The following ACIN1 variants were observed in gnomAD, a reference collection of about 807,000 sequenced individuals.
ACIN1 encodes apoptotic chromatin condensation inducer 1.
Under a neutral mutation model 146.6 loss-of-function variants are expected in ACIN1, and 16 were observed. The ratio of observed to expected loss-of-function variants is 0.11; its 90% confidence interval spans 0.07 to 0.17. The LOEUF is 0.17. Among genes scored for constraint, ACIN1 ranks in the 10% least tolerant of loss-of-function variants. The probability of loss-of-function intolerance (pLI) is 1.00; values close to 1 mark genes in which losing one functional copy is unlikely to be tolerated. For missense variants in ACIN1, 1,357 were observed against 1,609.3 expected (o/e 0.84, Z 2.68); for synonymous variants, 569 against 582.7 (o/e 0.98, Z 0.34).
chr14:23,084,091 C>T (rs866583003), intron 4 of ACIN1, among the ~76,000 whole-genome samples: 6 of 151,880 alleles, frequency 4.0e-5, no homozygotes, highest in East Asian at 2.0e-4. Context: ...GGACTACAGG[C>T]GCCCGCCACC....
At chr14:23,081,606 G>A in intron 5 of ACIN1, 142 bp downstream of exon 5, 1 of 674,494 alleles carries the variant, frequency 1.5e-6, no homozygotes, top group African/African-American at 1.8e-5. Flanking sequence ...CTCCAGCCTA[G>A]GCGACAGAGC....
chr14:23,080,374 C>A lies in ACIN1; in HGVS notation c.961G>T (p.Gly321Cys), dbSNP rs768142240. 4.3e-6 allele frequency: 7 copies of A among 1,614,036 alleles called. No individual in the cohort carries two copies. Among genetic ancestry groups the A allele is most frequent in the African/African-American group, 1.3e-5 (1 of 74,906 alleles). The change falls in exon 6 of 19, where the codon GGC (glycine) becomes TGC (cysteine). Residue 321 changes from glycine (G) to cysteine (C), a missense_variant. Coordinates refer to ENST00000605057, the MANE Select transcript of ACIN1 (RefSeq NM_001386863.1). Reference sequence around the variant, plus strand: ...GGAGACTTCGATTTTTCCTTTAAGCCTTGTGAAGATTTTATTTCTCTTTCT... The same window carrying A: ...GGAGACTTCGATTTTTCCTTTAAGCATTGTGAAGATTTTATTTCTCTTTCT... The part of the protein sequence containing the change: ...EEEREIKSSQ[G>C]LKEKSKSPSP...
At position 23,062,154 on chromosome 14, in the gene ACIN1, C is replaced by A. The variant is rs778678741; in HGVS notation, c.3099+14G>T. 1 of 1,610,288 alleles carries A rather than the reference C, an allele frequency of 6.2e-7. No homozygotes were observed. ...CCCTGCCCCTCCTCTCTTTCCTCTC[C>A]CTAGGTTTCTTACCTCATCTTGCTC... On this transcript the variant is annotated intron_variant, in intron 16 of 18. Transcript: ENST00000605057.
chr14:23,090,020 A>G lies in ACIN1; in HGVS notation c.398T>C (p.Leu133Pro). Residue 133 changes from leucine (L) to proline (P), a missense_variant, in exon 4 of 19, where the codon CTG (leucine) becomes CCG (proline). By Grantham distance (98) the Leu-to-Pro change is moderately conservative. Transcript: ENST00000605057. ...SLLPPDFQSSLERPELELSRH... is the reference protein window; with the variant it reads ...SLLPPDFQSSPERPELELSRH... ...GCTGAGCTCCAGCTCTGGTCTCTCC[A>G]GGCTGCTCTGAAAGTCAGGAGGCAG... 1 of 1,613,460 alleles carries G rather than the reference A, an allele frequency of 6.2e-7. No individual in the cohort carries two copies. The highest frequency in any genetic ancestry group is 8.5e-7 in the Non-Finnish European group (1 of 1,179,816).
At chr14:23,090,426 C>A (rs2048201089) in intron 3 of ACIN1, 96 bp downstream of exon 3, 5 of 1,125,436 alleles carry the variant, frequency 4.4e-6, no homozygotes, top group Non-Finnish European at 3.9e-6. Context: ...CTCAGCCTCA[C>A]TTATTTCTGA....
chr14:23,064,647 C>T (rs2047393298), intron 10 of ACIN1, 159 bp from the exon 11 acceptor site: 1 of 1,071,586 alleles, frequency 9.3e-7, no homozygotes, highest in Non-Finnish European at 1.3e-6. Context: ...ACCTGTAATC[C>T]CAGCACTTTG....
At chr14:23,062,651 C>A in intron 14 of ACIN1, 128 bp from the exon 15 acceptor site, 3 of 907,690 alleles carry the variant, frequency 3.3e-6, no homozygotes, top group Non-Finnish European at 5.2e-6. Context: ...GTTTAGGAAC[C>A]TTGCAGTAAG....
At position 23,095,121 on chromosome 14, in the gene ACIN1, A is replaced by G; in HGVS notation, c.-9T>C. 1 of 1,614,212 alleles carries G rather than the reference A, an allele frequency of 6.2e-7. No homozygotes were observed. The highest frequency in any genetic ancestry group is 8.5e-7 in the Non-Finnish European group (1 of 1,180,030). On this transcript the variant is annotated 5_prime_UTR_variant, in exon 1 of 19. Transcript: ENST00000605057. ...TCCTCCAGCTCCGCCATCTTGCGTG[A>G]GGTACTCGGGTCCGTCCCGACGGCT...
At chr14:23,093,787 T>TAAAATG in intron 1 of ACIN1, among the ~76,000 whole-genome samples, 1 of 152,214 alleles carries the variant, frequency 6.6e-6, no homozygotes, top group Non-Finnish European at 1.5e-5. Context: ...GCACACAGAA[T>TAAAATG]CAGTGACCTG....
rs903899562 is a variant in ACIN1, at chr14:23,068,743, G to A, written c.2265+733C>T. The A allele has an allele frequency of 1.3e-5, 13 of 985,264 alleles. No homozygotes were observed. Among genetic ancestry groups the A allele is most frequent in the Admixed American group, 6.2e-5 (1 of 16,258 alleles). The allele number at this position is 985,264 out of a possible 1,614,324, so 61.0% of individuals were successfully genotyped here. A position where few individuals can be genotyped will look rare whatever the true frequency, so the allele number is the denominator to read the frequency against. On this transcript the variant is annotated intron_variant, in intron 9 of 18. Coordinates refer to ENST00000605057, the MANE Select transcript of ACIN1 (RefSeq NM_001386863.1). The surrounding 1 kb of genome is among the most constrained non-coding windows in gnomAD (Gnocchi z 4.3). ...TTCTGCACATCAAATCACTTTCACC[G>A]GCCCCCACCCCCGCAACACACACCA...
intron 8 of ACIN1, among the ~76,000 whole-genome samples, chr14:23,069,905 A>G (rs1014200461): frequency 3.9e-5 from 6 of 152,182 alleles, no homozygotes; most frequent in African/African-American, 1.2e-4. Flanking sequence ...TTCTCAGGTA[A>G]TAACTCACCA....
intron 1 of ACIN1, 131 bp downstream of exon 1, chr14:23,094,844 G>T: frequency 7.5e-7 from 1 of 1,333,732 alleles, no homozygotes; most frequent in Non-Finnish European, 1.0e-6. Context: ...CCGTGCGCGC[G>T]GATCCAGAGG....
Position 23,064,242 on chromosome 14 carries a change from T to C in ACIN1, c.2458A>G (p.Ile820Val). The change falls in exon 12 of 19, where the codon ATC becomes GTC. Residue 820 changes from isoleucine (I) to valine (V), a missense_variant. By Grantham distance (29) the Ile-to-Val change is conservative. This residue lies in a region of ACIN1 where 509 missense variants were observed against 719.6 expected (regional missense o/e 0.71). Transcript: ENST00000605057. Reference sequence around the variant, plus strand: ...GCCTCCTGCCCCGCCAGGGGTTTGATGTCGGGGATGAGGCTCTGGGACACA... The same window carrying C: ...GCCTCCTGCCCCGCCAGGGGTTTGACGTCGGGGATGAGGCTCTGGGACACA... ...TESLKSLIPD[I>V]KPLAGQEAVV... 1 of 1,614,082 alleles carries C rather than the reference T, an allele frequency of 6.2e-7. No homozygotes were observed. Among genetic ancestry groups the C allele is most frequent in the African/African-American group, 1.3e-5 (1 of 75,066 alleles).
At position 23,079,747 on chromosome 14, in the gene ACIN1, T is replaced by C. The variant is rs760865737; in HGVS notation, c.1588A>G (p.Ser530Gly). The C allele has an allele frequency of 1.9e-6, 3 of 1,614,006 alleles. No homozygotes were observed. The highest frequency in any genetic ancestry group is 2.5e-6 in the Non-Finnish European group (3 of 1,180,024). Reference protein sequence around the residue: ...SSRSSSSSSSSSRSRSRSPDS... With the variant: ...SSRSSSSSSSGSRSRSRSPDS... ...GGAGAGCGAGATCTTGATCTAGAAC[T>C]GGAGGAGGAAGATGAGGAGGACCGG... Residue 530 changes from serine to glycine, a missense_variant, in exon 6 of 19, where the codon AGT becomes GGT. Ser to Gly is a moderately conservative substitution (Grantham distance 56). Around this residue, in one of 4 missense-constraint regions of ACIN1, gnomAD observed 771 missense variants for 746.6 expected, o/e 1.03. Transcript: ENST00000605057.
At chr14:23,064,307 C>G (rs751498032) in intron 11 of ACIN1, 48 bp downstream of exon 11, 2 of 1,613,964 alleles carry the variant, frequency 1.2e-6, no homozygotes, top group Non-Finnish European at 1.7e-6. Context: ...ATGTCTACTC[C>G]CACCTTAACA....
chr14:23,059,561 G>C, intron 18 of ACIN1, 87 bp from the exon 19 acceptor site: 1 of 1,062,054 alleles, frequency 9.4e-7, no homozygotes, highest in Admixed American at 1.9e-5. Flanking sequence ...TCCTAGCTCA[G>C]GGTCAGCTTT....
intron 9 of ACIN1, among the ~76,000 whole-genome samples, chr14:23,066,731 T>G (rs2047469055): frequency 6.6e-6 from 1 of 152,168 alleles, no homozygotes; most frequent in Non-Finnish European, 1.5e-5. Context: ...CCTTAGACTT[T>G]CCAGCCACCG....
chr14:23,071,218 A>G, intron 8 of ACIN1: 1 of 1,517,168 alleles, frequency 6.6e-7, no homozygotes, highest in South Asian at 1.3e-5. Context: ...AAACCAAACA[A>G]AAAAAATCCT....
At chr14:23,079,405 G>A in intron 6 of ACIN1, 142 bp downstream of exon 6, 1 of 1,385,832 alleles carries the variant, frequency 7.2e-7, no homozygotes, top group Non-Finnish European at 9.8e-7. Flanking sequence ...ATTCTGAAAT[G>A]AGGAGAAAGT....
Sources: allele counts gnomAD v4.1 joint callset (sites outside exome capture counted in the v4.1 genomes callset), GRCh38; gene constraint gnomAD v4.1.1; regional missense constraint gnomAD v4.1.1; non-coding constraint Gnocchi (gnomAD v3.1); transcripts MANE v1.5; gene names NCBI Gene and HGNC (gene_info 2026-07-23, HGNC 2026-07-21).